Variants in SLC20A2 observed in about 807,000 individuals in gnomAD.
SLC20A2 encodes the protein sodium-dependent phosphate transporter 2.
A neutral mutation model predicts 61.0 loss-of-function variants in SLC20A2; 30 were observed. The ratio of observed to expected loss-of-function variants is 0.49; its 90% CI spans 0.37 to 0.67. The LOEUF (loss-of-function observed/expected upper bound fraction) is 0.67, where lower values mean the gene tolerates loss of function less well. Among genes scored for constraint, SLC20A2 ranks in the 30% least tolerant of loss-of-function variants. The probability of loss-of-function intolerance (pLI) is 0.00; values close to 1 mark genes in which losing one functional copy is unlikely to be tolerated. For synonymous variants in SLC20A2, 351 were observed against 353.3 expected, an observed-to-expected ratio of 0.99 and a Z score of 0.07; for missense variants, 626 against 866.4, an observed-to-expected ratio of 0.72 and a Z score of 3.48.
At chr8:42,466,980 A>AT (rs1463869916) in intron 2 of SLC20A2, among the ~76,000 whole-genome samples, 1 of 151,912 alleles carries the variant, frequency 6.6e-6, no homozygotes, top group Non-Finnish European at 1.5e-5. Context: ...AATTATTAAA[A>AT]TTTTTTTGCA....
At chr8:42,465,681 C>T in intron 3 of SLC20A2, 96 bp downstream of exon 3, 6 of 1,261,562 alleles carry the variant, frequency 4.8e-6, no homozygotes, top group Non-Finnish European at 5.4e-6. Context: ...CAGAGTGACA[C>T]TCCGGGTCAA....
intron 4 of SLC20A2, among the ~76,000 whole-genome samples, chr8:42,461,678 C>T (rs576281696): frequency 7.4e-4 from 113 of 152,172 alleles, no homozygotes; most frequent in African/African-American, 2.7e-3. Flanking sequence ...TCTTGAACTC[C>T]TGACCTCAAG....
chr8:42,524,658 C>T (rs1811803591), intron 1 of SLC20A2, among the ~76,000 whole-genome samples: 2 of 151,826 alleles, frequency 1.3e-5, no homozygotes, highest in Admixed American at 1.3e-4. Context: ...TGGTGGCGAG[C>T]GCCTGTAATC....
chr8:42,468,989 A>G (rs961323879), intron 2 of SLC20A2, among the ~76,000 whole-genome samples: 1 of 152,192 alleles, frequency 6.6e-6, no homozygotes, highest in African/African-American at 2.4e-5. Flanking sequence ...TGGCAGCAAT[A>G]ATTTCTACCC....
At chr8:42,425,450 G>A (rs1803337955) in intron 10 of SLC20A2, among the ~76,000 whole-genome samples, 1 of 152,202 alleles carries the variant, frequency 6.6e-6, no homozygotes, top group South Asian at 2.1e-4. Context: ...GTGTTATGGG[G>A]TAATGACAAC....
At chr8:42,449,637 T>C (rs1316690158) in intron 5 of SLC20A2, among the ~76,000 whole-genome samples, 2 of 152,226 alleles carry the variant, frequency 1.3e-5, no homozygotes, top group African/African-American at 4.8e-5. Flanking sequence ...TTCCTTCTTA[T>C]TGACTCAATG....
At chr8:42,459,613 G>C (rs1806541317) in intron 5 of SLC20A2, among the ~76,000 whole-genome samples, 1 of 152,224 alleles carries the variant, frequency 6.6e-6, no homozygotes, top group South Asian at 2.1e-4. Context: ...GGCAGAGTGG[G>C]GATTTAATTT....
chr8:42,441,166 T>TAA lies in SLC20A2; in HGVS notation c.731-1514_731-1513insTT, dbSNP rs1395054786. Among the ~76,000 whole-genome samples the TAA allele has an allele frequency of 2.1e-5, 3 of 145,800 alleles. No individual in the cohort carries two copies. In the East Asian group the frequency reaches 6.0e-4, roughly 29 times the overall value. On this transcript the variant is annotated intron_variant, in intron 6 of 10. Coordinates refer to ENST00000520262, the MANE Select transcript of SLC20A2 (RefSeq NM_001257180.2). ...TCTTTTTTTTTTTTTTTTTTTGAGATAGAGTTTCACTCTTTTTGCCCAGGC... is the reference window on the plus strand; with the variant it reads ...TCTTTTTTTTTTTTTTTTTTTGAGATAAAGAGTTTCACTCTTTTTGCCCAGGC...
intron 4 of SLC20A2, among the ~76,000 whole-genome samples, chr8:42,462,696 C>T (rs1480054803): frequency 6.6e-6 from 1 of 151,938 alleles, no homozygotes; most frequent in African/African-American, 2.4e-5. Flanking sequence ...TTCTATTCTG[C>T]TTAACATTCA....
At chr8:42,512,741 A>G (rs576571216) in intron 1 of SLC20A2, among the ~76,000 whole-genome samples, 1 of 152,368 alleles carries the variant, frequency 6.6e-6, no homozygotes, top group South Asian at 2.1e-4. Flanking sequence ...GAAAAAGAAA[A>G]TTCTTGCCCT....
intron 1 of SLC20A2, among the ~76,000 whole-genome samples, chr8:42,515,911 C>T (rs1323986392): frequency 6.6e-6 from 1 of 152,158 alleles, no homozygotes; most frequent in Non-Finnish European, 1.5e-5. Context: ...TGCACTTCCA[C>T]AGGTCGGTAT....
chr8:42,429,000 A>G (rs555750697), intron 9 of SLC20A2, among the ~76,000 whole-genome samples, 158 bp from the exon 10 acceptor site: 2 of 152,254 alleles, frequency 1.3e-5, no homozygotes, highest in East Asian at 1.9e-4. Context: ...GCTGCTCAAC[A>G]ACAGCAATTC....
chr8:42,516,860 G>A (rs535482956), intron 1 of SLC20A2, among the ~76,000 whole-genome samples: 28 of 152,218 alleles, frequency 1.8e-4, no homozygotes, highest in East Asian at 1.5e-3. Flanking sequence ...CAACAGACTC[G>A]ATGTAATCTA....
At chr8:42,504,878 A>G (rs1183694849), upstream of SLC20A2, among the ~76,000 whole-genome samples, 3 of 145,302 alleles carry the variant, frequency 2.1e-5, no homozygotes, top group African/African-American at 7.7e-5. Context: ...AAAAAAAAAA[A>G]AAAAAAAAGG....
At position 42,418,319 on chromosome 8, in the gene SLC20A2, A is replaced by C. The variant is rs191836037; in HGVS notation, c.1795-352T>G. Among the ~76,000 whole-genome samples the C allele has an allele frequency of 1.2e-4, 18 of 152,244 alleles. No homozygotes were observed. The East Asian group carries it at 3.5e-3, about 29-fold the overall frequency. On this transcript the variant is annotated intron_variant, in intron 10 of 10. Transcript: ENST00000520262. ...GCAGCTGAGATTACAGGCGCATGCC[A>C]TCACCCTTGGCTAATTTTCATATTT...
chr8:42,437,094 T>C lies in SLC20A2; in HGVS notation c.1418A>G (p.Glu473Gly). ...GGGTGCGTCCTTCTCCTCCTTCTCCTCCTCTGCAGGGTCCTCTCGCGGCTG... is the reference window on the plus strand; with the variant it reads ...GGGTGCGTCCTTCTCCTCCTTCTCCCCCTCTGCAGGGTCCTCTCGCGGCTG... ...PDQPREDPAE[E>G]EKEEKDAPEV... is the part of the protein sequence containing the mutation. The change falls in exon 8 of 11, where the codon GAG becomes GGG. Residue 473 changes from glutamate to glycine, a missense_variant. By Grantham distance (98) the Glu-to-Gly change is moderately conservative (BLOSUM62 -2). Transcript: ENST00000520262. This position sits in a 1 kb window ranked among gnomAD's most constrained non-coding sequence, Gnocchi z 6.4. 6.2e-7 allele frequency: 1 copy of C among 1,614,062 alleles called. No homozygotes were observed. Among genetic ancestry groups the C allele is most frequent in the Non-Finnish European group, 8.5e-7 (1 of 1,180,032 alleles).
chr8:42,462,970 C>T (rs768497160), intron 4 of SLC20A2, 35 bp downstream of exon 4: 3 of 1,341,742 alleles, frequency 2.2e-6, no homozygotes, highest in East Asian at 4.6e-5. Context: ...AAAAATAGTT[C>T]TTAAGATTTA....
chr8:42,436,093 G>C (rs1347679987), intron 8 of SLC20A2, among the ~76,000 whole-genome samples: 2 of 151,818 alleles, frequency 1.3e-5, no homozygotes, highest in Non-Finnish European at 2.9e-5. Flanking sequence ...TCCAGCCTGG[G>C]GAACAGAGCG....
At chr8:42,530,932 C>T (rs1350382800) in intron 1 of SLC20A2, among the ~76,000 whole-genome samples, 1 of 152,146 alleles carries the variant, frequency 6.6e-6, no homozygotes, top group Non-Finnish European at 1.5e-5. Context: ...GTTGGCCAGG[C>T]TGGTCTCGAA....
Sources: gnomAD v4.1 joint callset for allele counts (sites outside exome capture counted in the v4.1 genomes callset) on GRCh38, gnomAD v4.1.1 for gene constraint, Gnocchi (gnomAD v3.1) non-coding constraint, MANE v1.5 for transcripts, NCBI Gene and HGNC (gene_info 2026-07-23, HGNC 2026-07-21) for gene names.